Variants in PLIN3 observed in about 807,000 individuals in gnomAD.
The protein encoded by PLIN3 is perilipin-3.
Under a neutral mutation model 35.9 loss-of-function variants are expected in PLIN3, and 30 were observed. That is an observed-to-expected ratio of 0.84 (90% CI 0.62 to 1.13). The LOEUF is 1.13. Ranked by LOEUF, PLIN3 falls within the 50% of genes most tolerant of loss-of-function variation. The pLI, the probability that PLIN3 is intolerant of heterozygous loss-of-function variation, is 0.00. For synonymous variants in PLIN3, 261 were observed against 262.5 expected, an observed-to-expected ratio of 0.99 and a Z score of 0.06; for missense variants, 603 against 596.9, an observed-to-expected ratio of 1.01 and a Z score of -0.11.
intron 1 of PLIN3, among the ~76,000 whole-genome samples, chr19:4,864,143 GT>G (rs2030769198): frequency 5.2e-5 from 2 of 38,728 alleles, no homozygotes; most frequent in Non-Finnish European, 1.3e-4. Flanking sequence ...GTGTGTGTGT[GT>G]GTGTGTGGTT....
At chr19:4,863,894 A>G (rs2030757053) in intron 1 of PLIN3, among the ~76,000 whole-genome samples, 1 of 151,984 alleles carries the variant, frequency 6.6e-6, no homozygotes, top group Admixed American at 6.6e-5. Context: ...TGACATGAAC[A>G]AAGATCTAGT....
chr19:4,846,923 CTT>C (rs1242753025), intron 6 of PLIN3, among the ~76,000 whole-genome samples: 1 of 146,740 alleles, frequency 6.8e-6, no homozygotes, highest in Non-Finnish European at 1.5e-5. Flanking sequence ...GAGTCTCACT[CTT>C]GTCACCCAGG....
chr19:4,862,985 C>T (rs537253272), intron 1 of PLIN3, among the ~76,000 whole-genome samples: 1 of 151,610 alleles, frequency 6.6e-6, no homozygotes, highest in East Asian at 1.9e-4. Flanking sequence ...AGTGAAACCC[C>T]GTCTCTACTA....
At chr19:4,844,827 G>A (rs1431054521) in intron 6 of PLIN3, 34 bp from the exon 7 acceptor site, 1 of 1,562,950 alleles carries the variant, frequency 6.4e-7, no homozygotes, top group Non-Finnish European at 8.7e-7. Context: ...AGGGAAGGAG[G>A]CTCCCCTGGG....
In PLIN3 at chr19:4,852,136, C is replaced by T. The variant is rs748320027; in HGVS notation, c.514G>A (p.Gly172Ser). Residue 172 changes from glycine to serine, a missense_variant, in exon 5 of 8, where the codon GGC becomes AGC. Physicochemically the swap from Gly to Ser is moderately conservative, Grantham distance 56. Transcript: ENST00000221957. ...VDKTKSVVTG[G>S]VQSVMGSRLG... ...CGGGAGCCCATGACCGATTGGACGC[C>T]GCCGGTCACTACGGACTTTGTCTTG... The T allele has an allele frequency of 1.2e-5, 19 of 1,614,052 alleles. No homozygotes were observed. The highest frequency in any genetic ancestry group is 1.4e-5 in the Non-Finnish European group (17 of 1,179,978).
intron 4 of PLIN3, among the ~76,000 whole-genome samples, chr19:4,856,286 C>T (rs1161578377): frequency 2.0e-5 from 3 of 152,038 alleles, no homozygotes; most frequent in South Asian, 2.1e-4. Flanking sequence ...CTGCAGGGCG[C>T]GGTGGCTCAC....
Position 4,859,824 on chromosome 19 carries a change from A to G in PLIN3, c.265+2T>C, listed in dbSNP as rs774734665. On this transcript the variant is annotated splice_donor_variant, in intron 3 of 7. Transcript: ENST00000221957. LOFTEE classifies it high-confidence loss of function. ...TTCAGTGCCCCCTGGGACTTCACCC[A>G]CTCTGGGGCTCCAGCTTGGAGAGGA... 5 of 1,613,026 alleles carry G rather than the reference A, an allele frequency of 3.1e-6. No individual in the cohort carries two copies. The highest frequency in any genetic ancestry group is 4.2e-6 in the Non-Finnish European group (5 of 1,179,874).
chr19:4,860,107 GCT>G lies in PLIN3; in HGVS notation c.67-85_67-84del, dbSNP rs1599174312. The G allele has an allele frequency of 1.9e-5, 23 of 1,240,642 alleles. No individual in the cohort carries two copies. The East Asian group carries it at 5.7e-4, about 30-fold the overall frequency. The allele number at this position is 1,240,642 out of a possible 1,614,324, so 76.9% of individuals were successfully genotyped here. A position where few individuals can be genotyped will look rare whatever the true frequency, so the allele number is the denominator to read the frequency against. ...GAAACTCAGGGTGCCCTGCAGTTTTGCTCTTACTCCTGGCCAGTGAAACGGCT... is the reference window on the plus strand; with the variant it reads ...GAAACTCAGGGTGCCCTGCAGTTTTGCTTACTCCTGGCCAGTGAAACGGCT... On this transcript the variant is annotated intron_variant, in intron 2 of 7. Transcript: ENST00000221957.
Position 4,852,166 on chromosome 19 carries a change from C to T in PLIN3, c.484G>A (p.Val162Met), listed in dbSNP as rs769468220. The change falls in exon 5 of 8, where the codon GTG becomes ATG. Residue 162 changes from valine to methionine, a missense_variant. Val to Met is a conservative substitution (Grantham distance 21). Coordinates refer to ENST00000221957, the MANE Select transcript of PLIN3 (RefSeq NM_005817.5). Reference sequence around the variant, plus strand: ...GTCACTACGGACTTTGTCTTGTCCACGCCGCTCTGCACAGCACCGCGGGTC... The same window carrying T: ...GTCACTACGGACTTTGTCTTGTCCATGCCGCTCTGCACAGCACCGCGGGTC... ...DATRGAVQSG[V>M]DKTKSVVTGG... The T allele has an allele frequency of 7.4e-6, 12 of 1,613,864 alleles. No homozygotes were observed. The highest frequency in any genetic ancestry group is 2.2e-5 in the East Asian group (1 of 44,894).
intron 5 of PLIN3, among the ~76,000 whole-genome samples, chr19:4,848,626 G>C (rs1381946200): frequency 3.9e-5 from 6 of 152,216 alleles, no homozygotes; most frequent in African/African-American, 1.4e-4. Flanking sequence ...CAGCCCTTTG[G>C]GAGGCCAAGG....
At chr19:4,859,307 A>T (rs1276207163) in intron 4 of PLIN3, among the ~76,000 whole-genome samples, 1 of 152,124 alleles carries the variant, frequency 6.6e-6, no homozygotes, top group East Asian at 1.9e-4. Context: ...GGATCACCTG[A>T]GGTCAGGAGT....
intron 4 of PLIN3, 22 bp from the exon 5 acceptor site, chr19:4,852,323 G>A: frequency 6.3e-7 from 1 of 1,594,398 alleles, no homozygotes; most frequent in Non-Finnish European, 8.5e-7. Flanking sequence ...AACAGCATCA[G>A]CATCTCTGCC....
At chr19:4,861,210 T>A in intron 2 of PLIN3, 119 bp downstream of exon 2, 1 of 827,706 alleles carries the variant, frequency 1.2e-6, no homozygotes, top group South Asian at 1.5e-5. Context: ...AATAAATCCC[T>A]CTGGCTCCGT....
At chr19:4,862,948 G>C (rs965712607) in intron 1 of PLIN3, among the ~76,000 whole-genome samples, 1 of 151,666 alleles carries the variant, frequency 6.6e-6, no homozygotes, top group African/African-American at 2.4e-5. Flanking sequence ...CACGAGGTCA[G>C]GAGTTCGAGT....
rs1238404775 is a variant in PLIN3, at chr19:4,858,701, GTT to G, written c.348+887_348+888del. Among the ~76,000 whole-genome samples, 49 of 78,214 alleles carry G rather than the reference GTT, an allele frequency of 6.3e-4. 1 individual carries two copies. The South Asian group carries it at 0.015, about 24-fold the overall frequency. The allele number at this position is 78,214 out of a possible 152,430, so 51.3% of individuals were successfully genotyped here. Reference sequence around the variant, plus strand: ...CTGGCCAGAATATGGTGTTTTTTTGGTTTTTTTTTTTTTTTTTGAGATGGAGT... The same window carrying G: ...CTGGCCAGAATATGGTGTTTTTTTGGTTTTTTTTTTTTTTTGAGATGGAGT... On this transcript the variant is annotated intron_variant, in intron 4 of 7. Transcript: ENST00000221957.
At chr19:4,864,521 TGCC>T (rs2030788035) in intron 1 of PLIN3, among the ~76,000 whole-genome samples, 1 of 151,806 alleles carries the variant, frequency 6.6e-6, no homozygotes, top group Admixed American at 6.6e-5. Context: ...TTTGCCATGT[TGCC>T]CAGGTTGGTC....
At chr19:4,842,359 G>A (rs1423532474) in intron 7 of PLIN3, among the ~76,000 whole-genome samples, 1 of 151,912 alleles carries the variant, frequency 6.6e-6, no homozygotes, top group Non-Finnish European at 1.5e-5. Context: ...AACCCAGGAG[G>A]TGGAGGCTGC....
In PLIN3 at chr19:4,839,069, T is replaced by G. The variant is rs1274069745; in HGVS notation, c.*123A>C. On this transcript the variant is annotated 3_prime_UTR_variant, in exon 8 of 8. Transcript: ENST00000221957. ...GTTTTGAGAGCCTTAGCTTCCCAAG[T>G]GGACAGCACAGAAGAGCTGGGAGGA... 1.3e-6 allele frequency: 1 copy of G among 755,636 alleles called. No individual in the cohort carries two copies. The highest frequency in any genetic ancestry group is 1.7e-5 in the African/African-American group (1 of 57,388). The allele number at this position is 755,636 out of a possible 1,614,324, so 46.8% of individuals were successfully genotyped here. A position where few individuals can be genotyped will look rare whatever the true frequency, so the allele number is the denominator to read the frequency against.
At chr19:4,845,835 A>G (rs1046872606) in intron 6 of PLIN3, among the ~76,000 whole-genome samples, 1 of 150,756 alleles carries the variant, frequency 6.6e-6, no homozygotes, top group African/African-American at 2.4e-5. Context: ...GAGGCAAGAG[A>G]ATGGTGTGAA....
Sources: allele counts gnomAD v4.1 joint callset (sites outside exome capture counted in the v4.1 genomes callset), GRCh38; gene constraint gnomAD v4.1.1; transcripts MANE v1.5; gene names NCBI Gene and HGNC (gene_info 2026-07-23, HGNC 2026-07-21).